PKIB: variants seen among roughly 807,000 people sequenced by gnomAD.
PKIB encodes the protein PKI-beta.
PKIB carries 2 observed loss-of-function variants against 4.5 expected under a neutral mutation model. The observed-to-expected ratio is 0.44, with a 90% CI of 0.18 to 1.39. PKIB has a LOEUF of 1.39. PKIB is among the 40% of genes most tolerant of loss of function. PKIB has a pLI of 0.27. For missense variants in PKIB, 94 were observed against 92.6 expected (o/e 1.02, Z -0.06); for synonymous variants, 38 against 36.0 (o/e 1.06, Z -0.20).
In PKIB at chr6:122,510,521, A is replaced by G. The variant is rs1776552264; in HGVS notation, c.-248+32582A>G. 2.0e-5 allele frequency among the ~76,000 whole-genome samples: 3 copies of G among 152,184 alleles called. 1 individual carries two copies. The South Asian group carries it at 6.2e-4, about 31-fold the overall frequency. On this transcript the variant is annotated intron_variant, in intron 2 of 6. Coordinates refer to the PKIB transcript ENST00000392491. ...AAAAAAGTAGTCTTTTAAATCTATAATAACAAGTGGCCAGTCTTTAGGGAT... is the reference window on the plus strand; with the variant it reads ...AAAAAAGTAGTCTTTTAAATCTATAGTAACAAGTGGCCAGTCTTTAGGGAT...
intron 1 of PKIB, among the ~76,000 whole-genome samples, chr6:122,627,427 A>C (rs1027207667): frequency 6.6e-6 from 1 of 152,186 alleles, no homozygotes; most frequent in Admixed American, 6.5e-5. Flanking sequence ...GATTTGATCA[A>C]TTGAGTGTAT....
intron 2 of PKIB, among the ~76,000 whole-genome samples, chr6:122,552,061 A>G (rs1312226414): frequency 6.6e-6 from 1 of 151,250 alleles, no homozygotes; most frequent in African/African-American, 2.4e-5. Flanking sequence ...TTCTAAATTT[A>G]CCCTTTTTAC....
chr6:122,508,970 T>C (rs1415727612), intron 2 of PKIB, among the ~76,000 whole-genome samples: 6 of 152,078 alleles, frequency 3.9e-5, no homozygotes, highest in Non-Finnish European at 7.4e-5. Flanking sequence ...AGGATGGTCT[T>C]GATCTCCTGA....
intron 2 of PKIB, among the ~76,000 whole-genome samples, chr6:122,528,050 C>T (rs1777145565): frequency 6.6e-6 from 1 of 152,066 alleles, no homozygotes; most frequent in Admixed American, 6.6e-5. Flanking sequence ...TATTTGGAAA[C>T]TTGGATATTT....
At chr6:122,679,411 TGGCTGAA>T (rs1219740435) in intron 3 of PKIB, among the ~76,000 whole-genome samples, 1 of 152,132 alleles carries the variant, frequency 6.6e-6, no homozygotes, top group Non-Finnish European at 1.5e-5. Context: ...TGTAAGGGGA[TGGCTGAA>T]GAGCTGAGAT....
intron 2 of PKIB, among the ~76,000 whole-genome samples, chr6:122,556,097 T>C (rs1475174545): frequency 6.6e-6 from 1 of 152,182 alleles, no homozygotes; most frequent in Non-Finnish European, 1.5e-5. Context: ...GATTAGATGA[T>C]GGGGCAGTTC....
At chr6:122,498,362 C>T (rs1245980045) in intron 2 of PKIB, among the ~76,000 whole-genome samples, 1 of 152,134 alleles carries the variant, frequency 6.6e-6, no homozygotes, top group Non-Finnish European at 1.5e-5. Context: ...GAAAGACCTG[C>T]CCCCATAATT....
At position 122,506,392 on chromosome 6, in the gene PKIB, C is replaced by T. The variant is rs570431545; in HGVS notation, c.-248+28453C>T. ...TTAAAGATTATATATATTTTTAAACCCGAATATGAGTTTGGGCCATCATTA... is the reference window on the plus strand; with the variant it reads ...TTAAAGATTATATATATTTTTAAACTCGAATATGAGTTTGGGCCATCATTA... On this transcript the variant is annotated intron_variant, in intron 2 of 6. Transcript: ENST00000392491. Among the ~76,000 whole-genome samples the T allele has an allele frequency of 3.6e-4, 54 of 151,950 alleles. 1 individual carries two copies. In the Middle Eastern group the frequency reaches 0.014, roughly 38 times the overall value.
intron 3 of PKIB, among the ~76,000 whole-genome samples, chr6:122,692,851 A>T (rs1778411334): frequency 6.6e-6 from 1 of 152,288 alleles, no homozygotes; most frequent in Non-Finnish European, 1.5e-5. Flanking sequence ...TCAAAGAAAC[A>T]TTATGTTTCA....
chr6:122,506,874 T>C (rs1432823615), intron 2 of PKIB, among the ~76,000 whole-genome samples: 8 of 151,146 alleles, frequency 5.3e-5, no homozygotes, highest in Non-Finnish European at 1.2e-4. Flanking sequence ...TAATTTTTTT[T>C]GTATTTTTAG....
intron 1 of PKIB, among the ~76,000 whole-genome samples, chr6:122,473,787 A>G (rs538633106): frequency 1.3e-5 from 2 of 152,360 alleles, no homozygotes; most frequent in African/African-American, 4.8e-5. Context: ...TAGCACACGT[A>G]TAACTTACAA....
At chr6:122,508,266 G>T (rs370795482) in intron 2 of PKIB, among the ~76,000 whole-genome samples, 1 of 152,254 alleles carries the variant, frequency 6.6e-6, no homozygotes, top group Admixed American at 6.5e-5. Flanking sequence ...ATTTATGGTC[G>T]CATGGACATA....
intron 3 of PKIB, among the ~76,000 whole-genome samples, chr6:122,698,091 T>C (rs1290225624): frequency 6.6e-6 from 1 of 152,140 alleles, no homozygotes; most frequent in Non-Finnish European, 1.5e-5. Context: ...CCTTGGGTTC[T>C]ATTCTTTATC....
chr6:122,697,285 G>A (rs949046828), intron 3 of PKIB, among the ~76,000 whole-genome samples: 2 of 152,038 alleles, frequency 1.3e-5, no homozygotes, highest in Admixed American at 6.6e-5. Context: ...TCTATGGGAG[G>A]AGAACTTGTA....
chr6:122,484,666 T>C (rs910319754), intron 2 of PKIB, among the ~76,000 whole-genome samples: 8 of 152,208 alleles, frequency 5.3e-5, no homozygotes, highest in African/African-American at 1.9e-4. Context: ...AATAAAATTA[T>C]TTAATATTGT....
At chr6:122,505,732 T>A (rs940821514) in intron 2 of PKIB, among the ~76,000 whole-genome samples, 14 of 152,294 alleles carry the variant, frequency 9.2e-5, no homozygotes, top group African/African-American at 2.2e-4. Flanking sequence ...TTAACTTTTT[T>A]AAAATGATGT....
At chr6:122,542,799 G>A (rs1021178903) in intron 2 of PKIB, among the ~76,000 whole-genome samples, 12 of 152,090 alleles carry the variant, frequency 7.9e-5, no homozygotes, top group Admixed American at 3.9e-4. Flanking sequence ...TTGTTTGTCT[G>A]TGCCCTGCCC....
At chr6:122,690,389 C>CTAT (rs1001802082) in intron 3 of PKIB, among the ~76,000 whole-genome samples, 5 of 151,768 alleles carry the variant, frequency 3.3e-5, no homozygotes, top group Non-Finnish European at 5.9e-5. Context: ...TTCTTACCTT[C>CTAT]TATTTTTTTG....
chr6:122,679,635 G>T (rs1033422489), intron 3 of PKIB, among the ~76,000 whole-genome samples: 2 of 152,180 alleles, frequency 1.3e-5, no homozygotes, highest in Admixed American at 6.5e-5. Flanking sequence ...GGAAAAGGAT[G>T]CCTCCTGGGT....
Sources: gnomAD v4.1 joint callset for allele counts (sites outside exome capture counted in the v4.1 genomes callset) on GRCh38, gnomAD v4.1.1 for gene constraint, MANE v1.5 for transcripts, NCBI Gene and HGNC (gene_info 2026-07-23, HGNC 2026-07-21) for gene names.